Variants in ZFHX3 observed in about 807,000 individuals in gnomAD.
ZFHX3 encodes the protein zinc finger homeobox protein 3.
ZFHX3 carries 42 observed loss-of-function variants against 279.1 expected under a neutral mutation model. The ratio of observed to expected loss-of-function variants is 0.15; its 90% CI spans 0.12 to 0.19. ZFHX3 has a LOEUF of 0.19. Ranked by LOEUF, ZFHX3 falls within the 10% of genes least tolerant of loss-of-function variation. The probability of loss-of-function intolerance (pLI) is 1.00; values close to 1 mark genes in which losing one functional copy is unlikely to be tolerated. For missense variants in ZFHX3, 4,981 were observed against 4,754.0 expected (o/e 1.05, Z -1.40); for synonymous variants, 2,293 against 1,957.8 (o/e 1.17, Z -4.52).
chr16:73,830,294 G>A (rs993914172), intron 1 of ZFHX3, among the ~76,000 whole-genome samples: 15 of 145,942 alleles, frequency 1.0e-4, no homozygotes, highest in South Asian at 4.7e-4. Context: ...ACTGGCCTGC[G>A]CCCACTGTCT....
chr16:73,131,113 A>G, intron 6 of ZFHX3: 1 of 591,062 alleles, frequency 1.7e-6, no homozygotes, highest in Non-Finnish European at 2.9e-6. Context: ...TGGGAGTAAT[A>G]ATAGGACTTG....
At chr16:73,585,819 G>A (rs2051920320) in intron 2 of ZFHX3, among the ~76,000 whole-genome samples, 1 of 152,074 alleles carries the variant, frequency 6.6e-6, no homozygotes. Context: ...GATGTTTCAG[G>A]AGTAGGAAAA....
At chr16:73,041,539 A>T (rs1467536806) in intron 1 of ZFHX3, among the ~76,000 whole-genome samples, 2 of 152,136 alleles carry the variant, frequency 1.3e-5, no homozygotes, top group African/African-American at 2.4e-5. Context: ...TCATATAGTC[A>T]GTTACACAGA....
rs2052345318 is a variant in ZFHX3 at position 73,620,271 on chromosome 16, A to C, written c.-1547+59909T>G. On this transcript the variant is annotated intron_variant, in intron 2 of 17. Transcript: ENST00000641206. ...AAAAGCACAAAAGCACCAGTGTAAT[A>C]GTACACATGTGTTTCTCAGGTTGAG... 2.0e-5 allele frequency among the ~76,000 whole-genome samples: 3 copies of C among 152,252 alleles called. No individual in the cohort carries two copies. The South Asian group carries it at 6.2e-4, about 32-fold the overall frequency.
intron 1 of ZFHX3, among the ~76,000 whole-genome samples, chr16:73,875,139 A>G (rs1186663278): frequency 6.6e-6 from 1 of 152,242 alleles, no homozygotes; most frequent in African/African-American, 2.4e-5. Context: ...TTTAAGGAGT[A>G]TTTCCAAATA....
At chr16:73,303,214 G>T (rs1478263213) in intron 4 of ZFHX3, among the ~76,000 whole-genome samples, 1 of 152,030 alleles carries the variant, frequency 6.6e-6, no homozygotes. Flanking sequence ...TTTTATTAGG[G>T]ATGGGGTCTT....
At position 73,838,300 on chromosome 16, in the gene ZFHX3, C is replaced by G. The variant is rs1260244711; in HGVS notation, c.-1608+53351G>C. Among the ~76,000 whole-genome samples, 103 of 152,218 alleles carry G rather than the reference C, an allele frequency of 6.8e-4. 1 individual carries two copies. The highest frequency in any genetic ancestry group is 4.4e-5 in the Non-Finnish European group (3 of 68,014). ...ACTTTGTTTTGGACTTTTGTGCATT[C>G]TATTGAAACAAAATGGCAAGTAAAA... On this transcript the variant is annotated intron_variant, in intron 1 of 17. Transcript: ENST00000641206.
chr16:72,840,943 G>T (rs963197086), intron 4 of ZFHX3, among the ~76,000 whole-genome samples: 1 of 152,208 alleles, frequency 6.6e-6, no homozygotes, highest in Non-Finnish European at 1.5e-5. Flanking sequence ...GCTGCACCCA[G>T]AAAAACACCA....
intron 3 of ZFHX3, among the ~76,000 whole-genome samples, chr16:73,347,721 G>C (rs1009054118): frequency 6.6e-6 from 1 of 152,244 alleles, no homozygotes; most frequent in Non-Finnish European, 1.5e-5. Flanking sequence ...TACTAAGGGT[G>C]AGTGATGGAG....
intron 1 of ZFHX3, among the ~76,000 whole-genome samples, chr16:73,004,634 C>G (rs953623137): frequency 6.6e-6 from 1 of 152,024 alleles, no homozygotes; most frequent in African/African-American, 2.4e-5. Context: ...TTTAAGAGCT[C>G]TTTATATATT....
chr16:73,274,412 T>C (rs1340633054), intron 4 of ZFHX3, among the ~76,000 whole-genome samples: 2 of 152,264 alleles, frequency 1.3e-5, no homozygotes, highest in African/African-American at 4.8e-5. Context: ...GTCTTTATCT[T>C]TGTTTTAGAA....
chr16:73,769,432 A>G (rs372383975), intron 1 of ZFHX3, among the ~76,000 whole-genome samples: 16 of 152,286 alleles, frequency 1.1e-4, no homozygotes, highest in East Asian at 7.7e-4. Flanking sequence ...GTTAGTTTGT[A>G]ATGTACAGTA....
intron 1 of ZFHX3, among the ~76,000 whole-genome samples, chr16:73,851,152 G>A (rs773183424): frequency 4.6e-5 from 7 of 152,026 alleles, no homozygotes; most frequent in South Asian, 4.1e-4. Flanking sequence ...CAAAGAGCTC[G>A]AACATAAAGT....
At chr16:73,105,594 A>G (rs546986850) in intron 7 of ZFHX3, among the ~76,000 whole-genome samples, 15 of 151,800 alleles carry the variant, frequency 9.9e-5, no homozygotes, top group Non-Finnish European at 2.1e-4. Flanking sequence ...CTCTACTAAA[A>G]GCACAAAAAT....
At position 72,788,545 on chromosome 16, in the gene ZFHX3, T is replaced by G. The variant is rs1455068921; in HGVS notation, c.9731A>C (p.Glu3244Ala). 1 of 1,614,184 alleles carries G rather than the reference T, an allele frequency of 6.2e-7. No individual in the cohort carries two copies. The highest frequency in any genetic ancestry group is 1.1e-5 in the South Asian group (1 of 91,078). ...TTCCCCTTTCCCTTTGTGTGCCTTT[T>G]CCTTCTCCTTTACTTTCTCACTGTC... ...DKDSEKVKEK[E>A]KAHKGKGEPL... Residue 3244 changes from glutamate to alanine, a missense_variant, in exon 10 of 10, where the codon GAA (glutamate) becomes GCA (alanine). This residue lies in a region of ZFHX3 where 1,034 missense variants were observed against 786.0 expected (regional missense o/e 1.32). Coordinates refer to ENST00000268489, the MANE Select transcript of ZFHX3 (RefSeq NM_006885.4).
intron 1 of ZFHX3, chr16:73,005,964 T>C (rs1253350244): frequency 1.3e-5 from 2 of 152,220 alleles, no homozygotes; most frequent in Non-Finnish European, 2.9e-5. Context: ...TTTTTCCCAG[T>C]ATATGAGAAA....
In ZFHX3 at chr16:72,796,190, A is replaced by G; in HGVS notation, c.6492T>C (p.Phe2164=). Residue 2164 remains phenylalanine (F), a synonymous_variant, in exon 9 of 10, where the codon TTT becomes TTC. Coordinates refer to ENST00000268489, the MANE Select transcript of ZFHX3 (RefSeq NM_006885.4). ...CTTCACTGGGGGAGTTGTTAATGTC[A>G]AAATATTGCCGCAAGACTCGGAGCT... The part of the protein sequence containing the change: ...DDQLRVLRQY[F]DINNSPSEEQ... The G allele has an allele frequency of 1.2e-6, 2 of 1,614,086 alleles. No homozygotes were observed. The highest frequency in any genetic ancestry group is 1.7e-6 in the Non-Finnish European group (2 of 1,180,028).
intron 2 of ZFHX3, among the ~76,000 whole-genome samples, chr16:73,598,763 TTTTG>T (rs2052079955): frequency 1.3e-5 from 2 of 152,012 alleles, no homozygotes; most frequent in East Asian, 3.9e-4. Flanking sequence ...ATACTCTCTT[TTTTG>T]TTTGTTTGTT....
intron 3 of ZFHX3, among the ~76,000 whole-genome samples, chr16:73,357,162 A>G (rs2016356164): frequency 6.6e-6 from 1 of 151,780 alleles, no homozygotes; most frequent in Non-Finnish European, 1.5e-5. Flanking sequence ...CTCTGGTTCT[A>G]TTTCTGGGAA....
Sources: gnomAD v4.1 joint callset for allele counts (sites outside exome capture counted in the v4.1 genomes callset) on GRCh38, gnomAD v4.1.1 for gene constraint, gnomAD v4.1.1 regional missense constraint, MANE v1.5 for transcripts, NCBI Gene and HGNC (gene_info 2026-07-23, HGNC 2026-07-21) for gene names.